The following MUC4 variants were observed in gnomAD, a reference collection of about 807,000 sequenced individuals.
MUC4 encodes the protein mucin 4, cell surface associated.
In MUC4, 202 loss-of-function variants were observed where a neutral mutation model predicts 257.9. That is an observed-to-expected ratio of 0.78 (90% CI 0.70 to 0.88). The LOEUF is 0.88. Ranked by LOEUF, MUC4 falls within the 40% of genes least tolerant of loss-of-function variation. The pLI is 0.00. For synonymous variants in MUC4, 2,351 were observed against 2,757.1 expected (o/e 0.85, Z 4.62); for missense variants, 5,976 against 6,513.7 (o/e 0.92, Z 2.84).
Position 195,780,848 on chromosome 3 carries a change from A to C in MUC4, c.10732T>G (p.Ser3578Ala). Residue 3578 changes from serine (S) to alanine (A), a missense_variant, in exon 2 of 25, where the codon TCC (serine) becomes GCC (alanine). Ser to Ala is a moderately conservative substitution (Grantham distance 99, BLOSUM62 1). Transcript: ENST00000463781. ...PLPVTSLSSVSTGDTTPLLVT... is the reference protein window; with the variant it reads ...PLPVTSLSSVATGDTTPLLVT... ...AGAAGAGGGGTGGTGTCACCTGTGG[A>C]TACTGAGGAAAGGCTGGTGACAGGA... 2 of 1,456,714 alleles carry C rather than the reference A, an allele frequency of 1.4e-6. No individual in the cohort carries two copies. The highest frequency in any genetic ancestry group is 1.8e-6 in the Non-Finnish European group (2 of 1,092,550). 90.2% of individuals were successfully genotyped at this position (1,456,714 alleles called of 1,614,324 possible).
At chr3:195,752,182 G>A (rs972947604) in intron 21 of MUC4, 191 bp downstream of exon 21, 1 of 606,564 alleles carries the variant, frequency 1.6e-6, no homozygotes, top group Admixed American at 2.9e-5. Flanking sequence ...CTTATGATGA[G>A]TCGAGGTTTC....
At chr3:195,762,405 G>C (rs1719213652) in intron 13 of MUC4, 151 bp from the exon 14 acceptor site, 1 of 873,014 alleles carries the variant, frequency 1.1e-6, no homozygotes. Context: ...AGGCCGGCGA[G>C]CTGCACGCCC....
chr3:195,788,805 C>A lies in MUC4; in HGVS notation c.2775G>T (p.Ala925=). ...TSRGSDTISL[A]SQATDTFSTV... ...TTGAGAAGGTGTCGGTTGCCTGGGA[C>A]GCCAGGCTGATAGTGTCAGACCCTC... The change falls in exon 2 of 25, where the codon GCG becomes GCT. Residue 925 remains alanine, a synonymous_variant. Coordinates refer to ENST00000463781, the MANE Select transcript of MUC4 (RefSeq NM_018406.7). 1 of 1,613,862 alleles carries A rather than the reference C, an allele frequency of 6.2e-7. No individual in the cohort carries two copies. The highest frequency in any genetic ancestry group is 8.5e-7 in the Non-Finnish European group (1 of 1,179,844).
In MUC4 at chr3:195,783,858, GGCGTGACCTGTGGATGCTGCGGAA is replaced by G; in HGVS notation, c.7698_7721del (p.Ser2567_Ala2574del). Reference sequence around the variant, plus strand: ...AAGTGCTGGTGACAGGAAGAGGGGTGGCGTGACCTGTGGATGCTGCGGAAGTGTCGGTGACAGGAAGAGAGGTGG... The same window carrying G: ...AAGTGCTGGTGACAGGAAGAGGGGTGGTGTCGGTGACAGGAAGAGAGGTGG... On this transcript the variant is annotated inframe_deletion, in exon 2 of 25. Coordinates refer to ENST00000463781, the MANE Select transcript of MUC4 (RefSeq NM_018406.7). The G allele has an allele frequency of 6.6e-7, 1 of 1,507,974 alleles. No individual in the cohort carries two copies. The highest frequency in any genetic ancestry group is 1.5e-5 in the African/African-American group (1 of 65,654). The allele number at this position is 1,507,974 out of a possible 1,614,324, so 93.4% of individuals were successfully genotyped here.
At chr3:195,773,959 C>T (rs1450691394) in intron 4 of MUC4, among the ~76,000 whole-genome samples, 6 of 152,228 alleles carry the variant, frequency 3.9e-5, no homozygotes, top group Non-Finnish European at 5.9e-5. Context: ...GAGAAGGCCC[C>T]GCAGAAGCAG....
intron 1 of MUC4, among the ~76,000 whole-genome samples, chr3:195,796,910 T>C (rs1734644290): frequency 6.6e-6 from 1 of 151,970 alleles, no homozygotes; most frequent in African/African-American, 2.4e-5. Flanking sequence ...GTCCCAGTAA[T>C]AATACATGGA....
chr3:195,788,023 G>C lies in MUC4; in HGVS notation c.3557C>G (p.Pro1186Arg). Residue 1186 changes from proline (P) to arginine (R), a missense_variant, in exon 2 of 25, where the codon CCT (proline) becomes CGT (arginine). Physicochemically the swap from Pro to Arg is moderately radical, Grantham distance 103. Around this residue, in one of 44 missense-constraint regions of MUC4, gnomAD observed 90 missense variants for 106.2 expected, o/e 0.85. Coordinates refer to ENST00000463781, the MANE Select transcript of MUC4 (RefSeq NM_018406.7). ...SVSTGDTTPLPVTSPSSASTG... is the reference protein window; with the variant it reads ...SVSTGDTTPLRVTSPSSASTG... ...GGATGCTGAGGAAGGGCTAGTGACA[G>C]GAAGAGGCGTGGTGTCACCTGTGGA... 1 of 1,436,694 alleles carries C rather than the reference G, an allele frequency of 7.0e-7. No individual in the cohort carries two copies. 89.0% of individuals were successfully genotyped at this position (1,436,694 alleles called of 1,614,324 possible).
chr3:195,762,118 G>C lies in MUC4; in HGVS notation c.14481C>G (p.Pro4827=), dbSNP rs746714955. 5 of 1,607,150 alleles carry C rather than the reference G, an allele frequency of 3.1e-6. No individual in the cohort carries two copies. Among genetic ancestry groups the C allele is most frequent in the Non-Finnish European group, 4.2e-6 (5 of 1,178,490 alleles). The change falls in exon 14 of 25, where the codon CCC becomes CCG. Residue 4827 remains proline, a synonymous_variant. Transcript: ENST00000463781. ...NILHASASLP[P]EYQNRTEGLL... Reference sequence around the variant, plus strand: ...GCCCCTCCGTGCGGTTCTGGTACTCGGGCGGGAGGCTGGCGGAGGCGTGGA... The same window carrying C: ...GCCCCTCCGTGCGGTTCTGGTACTCCGGCGGGAGGCTGGCGGAGGCGTGGA...
In MUC4 at chr3:195,783,041, T is replaced by C. The variant is rs1480080071; in HGVS notation, c.8539A>G (p.Thr2847Ala). Residue 2847 changes from threonine to alanine, a missense_variant, in exon 2 of 25, where the codon ACC becomes GCC. Transcript: ENST00000463781. ...GAAGCGTCGGTGACAGGAAGAGGGG[T>C]GGTGTGACCTGAGGATGCTGAGGAA... ...IPSSASSGHT[T>A]PLPVTDASSV... The C allele has an allele frequency of 9.2e-7, 1 of 1,090,476 alleles. No individual in the cohort carries two copies. The highest frequency in any genetic ancestry group is 1.2e-6 in the Non-Finnish European group (1 of 804,960). 67.6% of individuals were successfully genotyped at this position (1,090,476 alleles called of 1,614,324 possible). A position where few individuals can be genotyped will look rare whatever the true frequency, so the allele number is the denominator to read the frequency against.
chr3:195,806,180 G>A (rs898695689), intron 1 of MUC4, among the ~76,000 whole-genome samples: 9 of 152,086 alleles, frequency 5.9e-5, no homozygotes, highest in African/African-American at 1.7e-4. Flanking sequence ...AAAGCCCTGC[G>A]CGATCTAACA....
Position 195,763,587 on chromosome 3 carries a change from A to G in MUC4, c.14099T>C (p.Phe4700Ser). 1 of 1,594,832 alleles carries G rather than the reference A, an allele frequency of 6.3e-7. No individual in the cohort carries two copies. The highest frequency in any genetic ancestry group is 8.5e-7 in the Non-Finnish European group (1 of 1,169,672). Residue 4700 changes from phenylalanine (F) to serine (S), a missense_variant, in exon 12 of 25, where the codon TTC becomes TCC. Transcript: ENST00000463781. ...CAGCAGGAAGTCCCCCAGCCCATTG[A>G]AGGTGTAACTGACACCATCCAAGGT... ...ITTLDGVSYT[F>S]NGLGDFLLVG... is the part of the protein sequence containing the mutation.
chr3:195,791,204 T>C lies in MUC4; in HGVS notation c.376A>G (p.Ser126Gly). 1 of 1,613,736 alleles carries C rather than the reference T, an allele frequency of 6.2e-7. No homozygotes were observed. The highest frequency in any genetic ancestry group is 8.5e-7 in the Non-Finnish European group (1 of 1,179,650). The change falls in exon 2 of 25, where the codon AGT (serine) becomes GGT (glycine). Residue 126 changes from serine to glycine, a missense_variant. This residue lies in a region of MUC4 where 1,583 missense variants were observed against 1,257.4 expected (regional missense o/e 1.26). Coordinates refer to ENST00000463781, the MANE Select transcript of MUC4 (RefSeq NM_018406.7). The part of the protein sequence containing the change: ...PDEMTTSFPS[S>G]VTNTLMMTSK... ...GTCATCATGAGTGTGTTGGTGACAC[T>C]GGAGGGAAATGATGTGGTCATTTCA...
At chr3:195,756,819 C>T (rs1406627817) in intron 18 of MUC4, among the ~76,000 whole-genome samples, 5 of 152,026 alleles carry the variant, frequency 3.3e-5, no homozygotes, top group East Asian at 1.9e-4. Flanking sequence ...CCTGCCACCA[C>T]GCCCAGCTAA....
Position 195,790,478 on chromosome 3 carries a change from C to T in MUC4, c.1102G>A (p.Glu368Lys). ...GFNPSGTVSQETFPSGETTTS... is the reference protein window; with the variant it reads ...GFNPSGTVSQKTFPSGETTTS... ...GTTGTTTCACCAGAAGGGAATGTCTCCTGAGAAACTGTTCCACTTGGGTTG... is the reference window on the plus strand; with the variant it reads ...GTTGTTTCACCAGAAGGGAATGTCTTCTGAGAAACTGTTCCACTTGGGTTG... Residue 368 changes from glutamate to lysine, a missense_variant, in exon 2 of 25, where the codon GAG (glutamate) becomes AAG (lysine). Around this residue, in one of 44 missense-constraint regions of MUC4, gnomAD observed 1,583 missense variants for 1,257.4 expected, o/e 1.26. Coordinates refer to ENST00000463781, the MANE Select transcript of MUC4 (RefSeq NM_018406.7). The T allele has an allele frequency of 1.2e-6, 2 of 1,613,944 alleles. No homozygotes were observed. The highest frequency in any genetic ancestry group is 1.1e-5 in the South Asian group (1 of 91,080).
intron 13 of MUC4, 64 bp from the exon 14 acceptor site, chr3:195,762,318 G>A (rs374269942): frequency 1.4e-6 from 2 of 1,470,142 alleles, no homozygotes; most frequent in African/African-American, 1.4e-5. Flanking sequence ...CCAAACCCGC[G>A]CCCTGCCGGG....
At chr3:195,775,663 ACCCATACCT>A (rs1724390449) in intron 3 of MUC4, among the ~76,000 whole-genome samples, 2 of 39,542 alleles carry the variant, frequency 5.1e-5, no homozygotes, top group South Asian at 5.8e-4. Flanking sequence ...TACCTTCCAC[ACCCATACCT>A]TCCACACCGA....
rs1014033347 is a variant in MUC4 at position 195,788,803 on chromosome 3, G to A, written c.2777C>T (p.Ser926Phe). ...TGTTGAGAAGGTGTCGGTTGCCTGG[G>A]ACGCCAGGCTGATAGTGTCAGACCC... The part of the protein sequence containing the change: ...SRGSDTISLA[S>F]QATDTFSTVP... Residue 926 changes from serine to phenylalanine, a missense_variant, in exon 2 of 25, where the codon TCC (serine) becomes TTC (phenylalanine). Coordinates refer to ENST00000463781, the MANE Select transcript of MUC4 (RefSeq NM_018406.7). The A allele has an allele frequency of 1.4e-5, 23 of 1,613,926 alleles. No individual in the cohort carries two copies. The highest frequency in any genetic ancestry group is 2.2e-5 in the East Asian group (1 of 44,888).
intron 21 of MUC4, chr3:195,751,852 T>G: frequency 1.0e-5 from 2 of 193,222 alleles, no homozygotes; most frequent in Non-Finnish European, 2.2e-5. Flanking sequence ...TACGGCCTGT[T>G]GACTCAGGTG....
rs757528643 is a variant in MUC4 at position 195,759,158 on chromosome 3, C to T, written c.14952G>A (p.Thr4984=). 1.5e-5 allele frequency: 24 copies of T among 1,613,936 alleles called. No homozygotes were observed. The highest frequency in any genetic ancestry group is 6.7e-5 in the African/African-American group (5 of 74,896). ...YTSNAEDANF[T]LRDSCTDLEL... is the part of the protein sequence containing the mutation. ...CCAAGTCGGTGCAGCTGTCTCTGAG[C>T]GTGAAGTTGGCATCCTCAGCATTGC... Residue 4984 remains threonine (T), a synonymous_variant, in exon 17 of 25, where the codon ACG becomes ACA. Coordinates refer to ENST00000463781, the MANE Select transcript of MUC4 (RefSeq NM_018406.7).
Sources: gnomAD v4.1 joint callset for allele counts (sites outside exome capture counted in the v4.1 genomes callset) on GRCh38, gnomAD v4.1.1 for gene constraint, gnomAD v4.1.1 regional missense constraint, MANE v1.5 for transcripts, NCBI Gene and HGNC (gene_info 2026-07-23, HGNC 2026-07-21) for gene names.